Variants in NF1 observed in about 807,000 individuals in gnomAD.
NF1 encodes the protein neurofibromin.
In NF1, 122 loss-of-function variants were observed where a neutral mutation model predicts 325.7. The observed-to-expected ratio is 0.37, with a 90% CI of 0.32 to 0.44. The LOEUF (loss-of-function observed/expected upper bound fraction) is 0.44, where lower values mean the gene tolerates loss of function less well. NF1 is among the 20% of genes least tolerant of loss of function. The pLI is 1.00. For synonymous variants in NF1, 1,091 were observed against 1,186.0 expected, an observed-to-expected ratio of 0.92 and a Z score of 1.65; for missense variants, 2,140 against 3,415.4, an observed-to-expected ratio of 0.63 and a Z score of 9.31.
At chr17:31,367,616 T>C (rs1383855532) in intron 57 of NF1, among the ~76,000 whole-genome samples, 4 of 152,200 alleles carry the variant, frequency 2.6e-5, no homozygotes, top group Non-Finnish European at 4.4e-5. Flanking sequence ...TTTTTTAGCT[T>C]AGAAAATAAC....
At chr17:31,206,121 T>G in intron 11 of NF1, 119 bp from the exon 12 acceptor site, 5 of 1,064,222 alleles carry the variant, frequency 4.7e-6, no homozygotes, top group Non-Finnish European at 7.3e-6. Context: ...GGTGTGTGTT[T>G]GCATGGTCTT....
intron 36 of NF1, among the ~76,000 whole-genome samples, chr17:31,298,306 C>A (rs2068506803): frequency 6.6e-6 from 1 of 152,050 alleles, no homozygotes; most frequent in Non-Finnish European, 1.5e-5. Context: ...AAACACAAAT[C>A]TGATTTCCAG....
intron 18 of NF1, 61 bp from the exon 19 acceptor site, chr17:31,227,157 T>A (rs2067028912): frequency 6.5e-7 from 1 of 1,532,290 alleles, no homozygotes; most frequent in South Asian, 1.1e-5. Flanking sequence ...GCTTATCAGG[T>A]TCTCCATTGG....
In NF1 at chr17:31,159,192, T is replaced by G. The variant is rs911974036; in HGVS notation, c.288+99T>G. The G allele has an allele frequency of 5.9e-6, 5 of 850,216 alleles. No individual in the cohort carries two copies. The African/African-American group carries it at 8.3e-5, about 14-fold the overall frequency. 52.7% of individuals were successfully genotyped at this position (850,216 alleles called of 1,614,324 possible). On this transcript the variant is annotated intron_variant, in intron 3 of 57. Transcript: ENST00000358273. Reference sequence around the variant, plus strand: ...GATGTGGACCAAGAGGACAGTCCTATGGACTTTTGTCTGAGACATATAAAT... The same window carrying G: ...GATGTGGACCAAGAGGACAGTCCTAGGGACTTTTGTCTGAGACATATAAAT...
At chr17:31,356,721 T>G in intron 52 of NF1, 139 bp downstream of exon 52, 1 of 1,280,472 alleles carries the variant, frequency 7.8e-7, no homozygotes, top group Non-Finnish European at 1.1e-6. Flanking sequence ...AGATAAACTC[T>G]ACCATTCAAG....
Position 31,352,254 on chromosome 17 carries a change from C to G in NF1, c.7458-3C>G, listed in dbSNP as rs1158267419. On this transcript the variant is annotated splice_region_variant and splice_polypyrimidine_tract_variant and intron_variant, in intron 50 of 57. Coordinates refer to ENST00000358273, the MANE Select transcript of NF1 (RefSeq NM_001042492.3). ...ATTTTTCTCTATTGTTTTCATCTTT[C>G]AGGACACTAAAGGAGACTCAGCCAT... 2.5e-6 allele frequency: 4 copies of G among 1,613,750 alleles called. No individual in the cohort carries two copies. The highest frequency in any genetic ancestry group is 3.3e-5 in the Admixed American group (2 of 60,010).
chr17:31,193,075 T>C (rs1023761610), intron 8 of NF1, among the ~76,000 whole-genome samples: 1 of 152,196 alleles, frequency 6.6e-6, no homozygotes, highest in African/African-American at 2.4e-5. Context: ...TTTATATTTT[T>C]ATGAGGATGG....
intron 36 of NF1, among the ~76,000 whole-genome samples, chr17:31,282,381 CAAA>C (rs35267324): frequency 1.1e-4 from 11 of 98,996 alleles, no homozygotes; most frequent in Non-Finnish European, 9.0e-5. Flanking sequence ...GATTCCATCT[CAAA>C]AAAAAAAAAA....
intron 37 of NF1, 120 bp from the exon 38 acceptor site, chr17:31,327,379 G>T (rs1448263800): frequency 4.1e-6 from 3 of 725,442 alleles, no homozygotes; most frequent in Admixed American, 2.0e-5. Context: ...TACAATGGTG[G>T]GAACTCTTCC....
intron 36 of NF1, among the ~76,000 whole-genome samples, chr17:31,289,452 A>G (rs2068305067): frequency 6.6e-6 from 1 of 152,198 alleles, no homozygotes; most frequent in Non-Finnish European, 1.5e-5. Flanking sequence ...CAAACATTTC[A>G]GTAGTTCTTT....
chr17:31,222,003 G>T, intron 15 of NF1, 74 bp downstream of exon 15: 1 of 1,467,562 alleles, frequency 6.8e-7, no homozygotes, highest in African/African-American at 1.4e-5. Flanking sequence ...TATTAACTCT[G>T]TAGTACTTAG....
intron 36 of NF1, among the ~76,000 whole-genome samples, chr17:31,310,378 A>G (rs773261017): frequency 4.6e-5 from 7 of 152,092 alleles, no homozygotes; most frequent in Admixed American, 2.0e-4. Flanking sequence ...CAGTGGTTAT[A>G]TAATTAGCAA....
chr17:31,097,703 CT>C (rs879860758), intron 1 of NF1, among the ~76,000 whole-genome samples: 75 of 146,412 alleles, frequency 5.1e-4, no homozygotes, highest in Admixed American at 4.8e-4. Flanking sequence ...TTATTCCTCA[CT>C]TTTTTTTTTT....
At chr17:31,361,081 C>CAAAAAAAAAAAAAAAAAAAAAAAAAAAA (rs60249232) in intron 57 of NF1, 1 of 46,544 alleles carries the variant, frequency 2.1e-5, no homozygotes, top group Non-Finnish European at 3.5e-5. Context: ...CATACTATAT[C>CAAAAAAAAAAAAAAAAAAAAAAAAAAAA]AAAAAAAAAA....
At chr17:31,308,540 G>A (rs1210234881) in intron 36 of NF1, among the ~76,000 whole-genome samples, 2 of 152,112 alleles carry the variant, frequency 1.3e-5, no homozygotes, top group African/African-American at 2.4e-5. Flanking sequence ...CCAGCCAAAT[G>A]CATCCCTTTC....
intron 31 of NF1, among the ~76,000 whole-genome samples, chr17:31,255,707 A>G (rs2067571932): frequency 6.6e-6 from 1 of 152,196 alleles, no homozygotes; most frequent in African/African-American, 2.4e-5. Context: ...TCTGAGGCTG[A>G]GTACCATTAA....
At chr17:31,214,048 G>A (rs1430702928) in intron 12 of NF1, among the ~76,000 whole-genome samples, 3 of 152,108 alleles carry the variant, frequency 2.0e-5, no homozygotes, top group Non-Finnish European at 4.4e-5. Flanking sequence ...ATACTTGTAT[G>A]TATGTCTGGG....
Position 31,159,320 on chromosome 17 carries a change from G to A in NF1, c.288+227G>A, listed in dbSNP as rs2065722784. Among the ~76,000 whole-genome samples, 3 of 152,094 alleles carry A rather than the reference G, an allele frequency of 2.0e-5. No individual in the cohort carries two copies. The South Asian group carries it at 6.2e-4, about 32-fold the overall frequency. Reference sequence around the variant, plus strand: ...CAGATATTAAGTTTACTTATAAAATGTTATGTTTCAGCCACGTATCTGTCT... The same window carrying A: ...CAGATATTAAGTTTACTTATAAAATATTATGTTTCAGCCACGTATCTGTCT... On this transcript the variant is annotated intron_variant, in intron 3 of 57. Coordinates refer to ENST00000358273, the MANE Select transcript of NF1 (RefSeq NM_001042492.3).
intron 36 of NF1, among the ~76,000 whole-genome samples, chr17:31,286,202 C>T (rs953178925): frequency 6.6e-6 from 1 of 152,268 alleles, no homozygotes; most frequent in Non-Finnish European, 1.5e-5. Flanking sequence ...TCAAGTGATT[C>T]TCCTGCCTCA....
Sources: gnomAD v4.1 joint callset for allele counts (sites outside exome capture counted in the v4.1 genomes callset) on GRCh38, gnomAD v4.1.1 for gene constraint, MANE v1.5 for transcripts, NCBI Gene and HGNC (gene_info 2026-07-23, HGNC 2026-07-21) for gene names.